SP140: variants seen among roughly 807,000 people sequenced by gnomAD.
The protein encoded by SP140 is SP140 nuclear body protein, also known as nuclear body protein SP140.
SP140 carries 81 observed loss-of-function variants against 125.0 expected under a neutral mutation model. The ratio of observed to expected loss-of-function variants is 0.65; its 90% CI spans 0.54 to 0.78. The LOEUF (loss-of-function observed/expected upper bound fraction) is 0.78. SP140 is among the 30% of genes least tolerant of loss of function. The pLI is 0.00. For missense variants in SP140, 858 were observed against 1,037.0 expected, an observed-to-expected ratio of 0.83 and a Z score of 2.37; for synonymous variants, 312 against 354.0, an observed-to-expected ratio of 0.88 and a Z score of 1.33.
At chr2:230,268,484 G>A (rs796068470) in intron 12 of SP140, among the ~76,000 whole-genome samples, 8 of 151,108 alleles carry the variant, frequency 5.3e-5, no homozygotes, top group African/African-American at 1.9e-4. Flanking sequence ...GAGATTACGC[G>A]GTTGCACTCC....
intron 14 of SP140, among the ~76,000 whole-genome samples, chr2:230,270,211 A>G (rs755855413): frequency 1.1e-4 from 17 of 152,212 alleles, no homozygotes; most frequent in Admixed American, 2.6e-4. Context: ...TTGCATTAGT[A>G]TATTAAGTTA....
intron 1 of SP140, among the ~76,000 whole-genome samples, chr2:230,232,152 C>A (rs1161755867): frequency 6.6e-6 from 1 of 152,184 alleles, no homozygotes; most frequent in Non-Finnish European, 1.5e-5. Context: ...AAAAACTTTT[C>A]TTTTCCCTCT....
intron 1 of SP140, chr2:230,212,650 T>C: frequency 7.1e-7 from 1 of 1,416,696 alleles, no homozygotes; most frequent in Non-Finnish European, 1.0e-6. Flanking sequence ...GGTAGATGGG[T>C]GCAAGAGAAG....
At chr2:230,220,677 T>A (rs1420281899) in intron 3 of SP140, among the ~76,000 whole-genome samples, 4 of 152,038 alleles carry the variant, frequency 2.6e-5, no homozygotes, top group African/African-American at 9.7e-5. Flanking sequence ...TAAAGATCCC[T>A]AATGTACATT....
chr2:230,208,814 G>T (rs1297584146), intron 1 of SP140, among the ~76,000 whole-genome samples: 1 of 152,156 alleles, frequency 6.6e-6, no homozygotes, highest in Non-Finnish European at 1.5e-5. Flanking sequence ...GGTAAGTAGG[G>T]TCTTCCAAGA....
chr2:230,254,497 G>A (rs995579269), intron 11 of SP140, among the ~76,000 whole-genome samples: 12 of 152,180 alleles, frequency 7.9e-5, no homozygotes, highest in African/African-American at 2.9e-4. Context: ...TGTGCCTGAA[G>A]ACTTTTATCT....
At chr2:230,221,741 T>C, upstream of SP140, 1 of 1,535,870 alleles carries the variant, frequency 6.5e-7, no homozygotes, top group Non-Finnish European at 8.7e-7. Flanking sequence ...AGCCCCTTCA[T>C]GGGCATCTGA....
intron 1 of SP140, among the ~76,000 whole-genome samples, chr2:230,231,612 G>A (rs1574892357): frequency 8.0e-6 from 1 of 125,248 alleles, no homozygotes; most frequent in South Asian, 2.5e-4. Flanking sequence ...ACGTGTCAGA[G>A]GGGGAAGTGG....
intron 1 of SP140, among the ~76,000 whole-genome samples, chr2:230,234,711 A>G (rs1197192240): frequency 6.6e-6 from 1 of 152,164 alleles, no homozygotes; most frequent in Non-Finnish European, 1.5e-5. Context: ...ATCTTATAAA[A>G]ATTTTCATTC....
chr2:230,250,977 G>A lies in SP140; in HGVS notation c.977-4G>A. 2 of 1,613,562 alleles carry A rather than the reference G, an allele frequency of 1.2e-6. No homozygotes were observed. Among genetic ancestry groups the A allele is most frequent in the Non-Finnish European group, 1.7e-6 (2 of 1,179,590 alleles). ...TTCTTGAGGGATTTCTTTTCTTTCT[G>A]CAGAGGGCAGTGATGACTGTTCAGA... On this transcript the variant is annotated splice_region_variant and splice_polypyrimidine_tract_variant and intron_variant, in intron 9 of 26. Transcript: ENST00000392045.
At chr2:230,263,601 T>C (rs2052619746) in intron 12 of SP140, among the ~76,000 whole-genome samples, 1 of 152,220 alleles carries the variant, frequency 6.6e-6, no homozygotes, top group South Asian at 2.1e-4. Context: ...TCCGTTTTGA[T>C]GTGTTTCTAG....
chr2:230,251,347 C>T (rs2050331452), intron 10 of SP140, among the ~76,000 whole-genome samples: 1 of 152,028 alleles, frequency 6.6e-6, no homozygotes, highest in Non-Finnish European at 1.5e-5. Flanking sequence ...GTGTTCTCCC[C>T]TTCATATTCT....
chr2:230,227,963 G>C (rs745752797), intron 1 of SP140, among the ~76,000 whole-genome samples: 49 of 151,604 alleles, frequency 3.2e-4, no homozygotes, highest in Non-Finnish European at 6.2e-4. Context: ...GGCTTAAATT[G>C]CTCCTTTTTT....
chr2:230,255,339 A>G, intron 11 of SP140, 113 bp from the exon 12 acceptor site: 1 of 1,218,686 alleles, frequency 8.2e-7, no homozygotes, highest in Admixed American at 1.9e-5. Flanking sequence ...TGGGTGGGGG[A>G]CAGCCCTACC....
intron 22 of SP140, among the ~76,000 whole-genome samples, chr2:230,303,233 C>T (rs1329093651): frequency 6.6e-6 from 1 of 152,088 alleles, no homozygotes; most frequent in East Asian, 1.9e-4. Flanking sequence ...GATATTACAA[C>T]CAACACCACA....
chr2:230,307,990 T>TATATATATACAC (rs869070046), intron 22 of SP140, among the ~76,000 whole-genome samples: 2 of 52,636 alleles, frequency 3.8e-5, no homozygotes, highest in African/African-American at 7.6e-5. Flanking sequence ...TATATATATA[T>TATATATATACAC]ACACACACAC....
the SP140 span, among the ~76,000 whole-genome samples, chr2:230,186,604 C>T: frequency 8.5e-5 from 13 of 152,250 alleles, no homozygotes; most frequent in East Asian, 9.7e-4. Context: ...GTGCACTCTT[C>T]GTCTGAGTAG....
At chr2:230,250,873 G>T (rs2050254475) in intron 9 of SP140, 108 bp from the exon 10 acceptor site, 2 of 1,230,310 alleles carry the variant, frequency 1.6e-6, no homozygotes, top group Non-Finnish European at 2.3e-6. Context: ...CTACAGGCCA[G>T]GAGGGCCTGG....
chr2:230,194,216 C>A, the SP140 span, among the ~76,000 whole-genome samples: 1 of 152,128 alleles, frequency 6.6e-6, no homozygotes, highest in South Asian at 2.1e-4. Flanking sequence ...GATCTCTTCC[C>A]AGGCTGGCTC....
Sources: allele counts gnomAD v4.1 joint callset (sites outside exome capture counted in the v4.1 genomes callset), GRCh38; gene constraint gnomAD v4.1.1; transcripts MANE v1.5; gene names NCBI Gene and HGNC (gene_info 2026-07-23, HGNC 2026-07-21).